The following DAB1 variants were observed in gnomAD, a reference collection of about 807,000 sequenced individuals.
DAB1 encodes the protein disabled homolog 1.
In DAB1, 15 loss-of-function variants were observed where a neutral mutation model predicts 64.6. That is an observed-to-expected ratio of 0.23 (90% confidence interval 0.16 to 0.36). DAB1 has a LOEUF of 0.36. DAB1 is among the 10% of genes least tolerant of loss of function. The probability of loss-of-function intolerance (pLI) is 1.00; values close to 1 mark genes in which losing one functional copy is unlikely to be tolerated. For missense variants in DAB1, 596 were observed against 706.7 expected (o/e 0.84, Z 1.78); for synonymous variants, 235 against 251.9 (o/e 0.93, Z 0.64).
intron 4 of DAB1, among the ~76,000 whole-genome samples, chr1:58,221,895 G>T (rs1397942457): frequency 6.6e-6 from 1 of 152,192 alleles, no homozygotes; most frequent in Non-Finnish European, 1.5e-5. Flanking sequence ...AGGTCTGGCA[G>T]GTTCCATAGT....
chr1:57,098,847 A>C (rs1349606914), intron 4 of DAB1, among the ~76,000 whole-genome samples: 3 of 152,206 alleles, frequency 2.0e-5, no homozygotes, highest in Admixed American at 2.0e-4. Context: ...AGAAAGAATA[A>C]AAAGGACACA....
At chr1:57,318,051 C>T (rs987560042) in intron 1 of DAB1, among the ~76,000 whole-genome samples, 12 of 150,024 alleles carry the variant, frequency 8.0e-5, no homozygotes, top group Non-Finnish European at 1.3e-4. Context: ...TCCTGTAGTC[C>T]GGAGTATTTC....
At position 57,606,608 on chromosome 1, in the gene DAB1, TGA is replaced by T. The variant is rs1570668644; in HGVS notation, n.625+42982_625+42983del. Among the ~76,000 whole-genome samples the T allele has an allele frequency of 9.1e-5, 11 of 120,552 alleles. No homozygotes were observed. The East Asian group carries it at 2.3e-3, about 25-fold the overall frequency. The allele number at this position is 120,552 out of a possible 152,430, so 79.1% of individuals were successfully genotyped here. A position where few individuals can be genotyped will look rare whatever the true frequency, so the allele number is the denominator to read the frequency against. ...TATAATATATTATATATTATATATATGAAATATATAATATATGAAATATATTA... is the reference window on the plus strand; with the variant it reads ...TATAATATATTATATATTATATATATAATATATAATATATGAAATATATTA... On this transcript the variant is annotated intron_variant and non_coding_transcript_variant, in intron 7 of 20. Coordinates refer to the DAB1 transcript ENST00000485760.
intron 6 of DAB1, among the ~76,000 whole-genome samples, chr1:57,809,019 G>C (rs1374525662): frequency 6.6e-6 from 1 of 152,146 alleles, no homozygotes. Flanking sequence ...AATCACAGAA[G>C]CTCCTCGGAA....
rs567524291 is a variant in DAB1, at chr1:57,900,886, C to T, written n.388-16724G>A. ...TCTATGGGGGCAGGGACTATATTTTCCAGTTCACTGCCATATTCCTCAAAC... is the reference window on the plus strand; with the variant it reads ...TCTATGGGGGCAGGGACTATATTTTTCAGTTCACTGCCATATTCCTCAAAC... On this transcript the variant is annotated intron_variant and non_coding_transcript_variant, in intron 5 of 20. Transcript: ENST00000485760. 2.6e-5 allele frequency among the ~76,000 whole-genome samples: 4 copies of T among 152,226 alleles called. No individual in the cohort carries two copies. In the South Asian group the frequency reaches 8.3e-4, roughly 32 times the overall value.
intron 5 of DAB1, among the ~76,000 whole-genome samples, chr1:57,910,149 G>A (rs371132255): frequency 6.6e-6 from 1 of 152,266 alleles, no homozygotes; most frequent in Non-Finnish European, 1.5e-5. Flanking sequence ...AGGCACAGAG[G>A]ACCAGAGGCC....
intron 1 of DAB1, among the ~76,000 whole-genome samples, chr1:57,308,870 C>T (rs1037204803): frequency 2.6e-5 from 4 of 152,080 alleles, no homozygotes; most frequent in African/African-American, 9.6e-5. Flanking sequence ...AAGCTAAGAT[C>T]AAAGTCTTTA....
intron 4 of DAB1, among the ~76,000 whole-genome samples, chr1:58,332,900 A>C (rs1663006695): frequency 7.0e-6 from 1 of 141,964 alleles, no homozygotes; most frequent in African/African-American, 2.5e-5. Context: ...ACCCTTTTAA[A>C]ATTTTATTTA....
At chr1:57,918,463 C>A (rs1569990773) in intron 5 of DAB1, among the ~76,000 whole-genome samples, 1 of 152,240 alleles carries the variant, frequency 6.6e-6, no homozygotes, top group African/African-American at 2.4e-5. Flanking sequence ...GCCTTTGTAA[C>A]AACCCACTCT....
intron 2 of DAB1, among the ~76,000 whole-genome samples, chr1:58,526,933 T>C (rs966203416): frequency 3.3e-5 from 5 of 152,090 alleles, no homozygotes; most frequent in African/African-American, 7.2e-5. Flanking sequence ...GTATGTTTCA[T>C]GTCTATGATC....
chr1:57,170,030 T>G (rs1661585647), intron 2 of DAB1, among the ~76,000 whole-genome samples: 1 of 151,360 alleles, frequency 6.6e-6, no homozygotes, highest in Non-Finnish European at 1.5e-5. Context: ...AGAGTCTCAC[T>G]CTGTCACCCA....
chr1:57,440,533 G>C (rs1685901544), intron 7 of DAB1, among the ~76,000 whole-genome samples: 1 of 152,110 alleles, frequency 6.6e-6, no homozygotes. Flanking sequence ...AAGGAAGGAA[G>C]AAAGAAAGGA....
intron 6 of DAB1, among the ~76,000 whole-genome samples, chr1:57,810,125 A>G (rs1651548717): frequency 1.3e-5 from 2 of 152,122 alleles, no homozygotes; most frequent in Admixed American, 1.3e-4. Context: ...CCAGCCTTTT[A>G]GATTCATGAG....
intron 7 of DAB1, among the ~76,000 whole-genome samples, chr1:57,544,715 C>A (rs752610852): frequency 1.3e-5 from 2 of 152,128 alleles, no homozygotes; most frequent in Non-Finnish European, 2.9e-5. Flanking sequence ...GCAGTGGTTA[C>A]CCCCATGCTG....
chr1:57,045,684 C>T (rs577803270), intron 9 of DAB1, among the ~76,000 whole-genome samples: 82 of 151,784 alleles, frequency 5.4e-4, no homozygotes, highest in African/African-American at 1.5e-3. Flanking sequence ...GGTGACAGAG[C>T]GAGACTCCAT....
intron 7 of DAB1, among the ~76,000 whole-genome samples, chr1:57,496,775 G>C (rs529076485): frequency 1.3e-5 from 2 of 152,148 alleles, no homozygotes; most frequent in African/African-American, 4.8e-5. Flanking sequence ...GAGAGAACAT[G>C]ATTTGCTTTC....
At chr1:57,699,486 T>G (rs1646882851) in intron 6 of DAB1, among the ~76,000 whole-genome samples, 1 of 152,230 alleles carries the variant, frequency 6.6e-6, no homozygotes, top group Non-Finnish European at 1.5e-5. Context: ...TCCTTGATGC[T>G]TTCTAACTAT....
At chr1:57,792,376 G>A (rs1304405965) in intron 6 of DAB1, among the ~76,000 whole-genome samples, 3 of 152,160 alleles carry the variant, frequency 2.0e-5, no homozygotes, top group Admixed American at 6.5e-5. Flanking sequence ...CTAGGCATAC[G>A]CCTCATTTTT....
intron 5 of DAB1, among the ~76,000 whole-genome samples, chr1:58,022,627 C>T (rs1033752427): frequency 6.6e-6 from 1 of 152,146 alleles, no homozygotes; most frequent in Non-Finnish European, 1.5e-5. Context: ...AACACATTTA[C>T]TCCTTAATTT....
Sources: allele counts gnomAD v4.1 joint callset (sites outside exome capture counted in the v4.1 genomes callset), GRCh38; gene constraint gnomAD v4.1.1; transcripts MANE v1.5; gene names NCBI Gene and HGNC (gene_info 2026-07-23, HGNC 2026-07-21).